Variants in ARMC9 observed in about 807,000 individuals in gnomAD.
The protein encoded by ARMC9 is lisH domain-containing protein ARMC9.
Under a neutral mutation model 107.0 loss-of-function variants are expected in ARMC9, and 94 were observed. The ratio of observed to expected loss-of-function variants is 0.88; its 90% CI spans 0.74 to 1.04. The LOEUF (loss-of-function observed/expected upper bound fraction) is 1.04. Ranked by LOEUF, ARMC9 falls within the 50% of genes least tolerant of loss-of-function variation. ARMC9 has a pLI of 0.00. For missense variants in ARMC9, 942 were observed against 1,030.1 expected (o/e 0.91, Z 1.17); for synonymous variants, 380 against 396.9 (o/e 0.96, Z 0.51).
At position 231,376,464 on chromosome 2, in the gene ARMC9, GAGATGA is replaced by G; in HGVS notation, c.*4931_*4936del. On this transcript the variant is annotated 3_prime_UTR_variant, in exon 25 of 25. Coordinates refer to ENST00000611582, the MANE Select transcript of ARMC9 (RefSeq NM_001352754.2). ...GTCGTCTCTTATGGTCGAGGCTGCAGAGATGAAATAAACTCCAGTCTCCCATAGCGC... is the reference window on the plus strand; with the variant it reads ...GTCGTCTCTTATGGTCGAGGCTGCAGAATAAACTCCAGTCTCCCATAGCGC... Among the ~76,000 whole-genome samples the G allele has an allele frequency of 6.6e-6, 1 of 152,168 alleles. No individual in the cohort carries two copies. Among genetic ancestry groups the G allele is most frequent in the African/African-American group, 2.4e-5 (1 of 41,432 alleles).
At chr2:231,285,522 G>A (rs901592192) in intron 17 of ARMC9, among the ~76,000 whole-genome samples, 5 of 150,192 alleles carry the variant, frequency 3.3e-5, no homozygotes, top group African/African-American at 4.9e-5. Context: ...GGTGGGCGCC[G>A]ATAATCCCAG....
intron 23 of ARMC9, among the ~76,000 whole-genome samples, chr2:231,368,452 A>G (rs115698352): frequency 0.013 from 2,042 of 152,054 alleles, 46 homozygotes; most frequent in African/African-American, 0.047. Flanking sequence ...ATAATACCCA[A>G]CTCTTGTAAA....
intron 17 of ARMC9, chr2:231,288,699 G>A (rs1188200283): frequency 2.1e-6 from 1 of 471,064 alleles, no homozygotes; most frequent in African/African-American, 2.0e-5. Flanking sequence ...CCATTTTGCT[G>A]CTGACAACAT....
intron 19 of ARMC9, among the ~76,000 whole-genome samples, chr2:231,328,632 G>A (rs2043493468): frequency 1.3e-5 from 2 of 151,756 alleles, no homozygotes; most frequent in East Asian, 3.9e-4. Flanking sequence ...AAAACCCACT[G>A]GACATATTTG....
rs889332741 is a variant in ARMC9, at chr2:231,302,968, C to T, written c.1773+6715C>T. Among the ~76,000 whole-genome samples the T allele has an allele frequency of 9.9e-5, 15 of 152,180 alleles. No individual in the cohort carries two copies. The South Asian group carries it at 1.9e-3, about 19-fold the overall frequency. Reference sequence around the variant, plus strand: ...GCAGTGAGCCAAGATCACACCACTGCACTCCAGCCTGGGTGACGGAGCGAG... The same window carrying T: ...GCAGTGAGCCAAGATCACACCACTGTACTCCAGCCTGGGTGACGGAGCGAG... On this transcript the variant is annotated intron_variant, in intron 19 of 24. Coordinates refer to ENST00000611582, the MANE Select transcript of ARMC9 (RefSeq NM_001352754.2).
intron 19 of ARMC9, among the ~76,000 whole-genome samples, chr2:231,302,319 T>C (rs1194031430): frequency 6.6e-6 from 1 of 151,504 alleles, no homozygotes; most frequent in Non-Finnish European, 1.5e-5. Flanking sequence ...TATTAAAATA[T>C]TAAATAACTT....
intron 5 of ARMC9, among the ~76,000 whole-genome samples, chr2:231,218,898 CACGCCA>C (rs1360900247): frequency 6.6e-6 from 1 of 151,994 alleles, no homozygotes; most frequent in East Asian, 1.9e-4. Flanking sequence ...ATTATAGGCA[CACGCCA>C]CCATGTCCGG....
intron 11 of ARMC9, among the ~76,000 whole-genome samples, chr2:231,259,463 C>G (rs2038136949): frequency 6.6e-6 from 1 of 152,180 alleles, no homozygotes; most frequent in Admixed American, 6.5e-5. Context: ...GCCATGCAGC[C>G]ACGCTGGACA....
chr2:231,268,881 G>GA (rs1334980268), intron 12 of ARMC9, among the ~76,000 whole-genome samples: 4 of 151,674 alleles, frequency 2.6e-5, no homozygotes, highest in Non-Finnish European at 5.9e-5. Context: ...GAGCAACATA[G>GA]ACCCCATTCT....
At chr2:231,244,299 A>G (rs1397211763) in intron 9 of ARMC9, among the ~76,000 whole-genome samples, 3 of 152,180 alleles carry the variant, frequency 2.0e-5, no homozygotes, top group Non-Finnish European at 2.9e-5. Flanking sequence ...ACAAAAGAGT[A>G]AAGGAAAAAG....
chr2:231,375,004 C>G lies in ARMC9; in HGVS notation c.*3469C>G, dbSNP rs2046153626. Among the ~76,000 whole-genome samples the G allele has an allele frequency of 6.6e-6, 1 of 152,224 alleles. No individual in the cohort carries two copies. The highest frequency in any genetic ancestry group is 2.1e-4 in the South Asian group (1 of 4,830). On this transcript the variant is annotated 3_prime_UTR_variant, in exon 25 of 25. Coordinates refer to ENST00000611582, the MANE Select transcript of ARMC9 (RefSeq NM_001352754.2). The surrounding 1 kb of genome is among the most constrained non-coding windows in gnomAD (Gnocchi z 4.3). ...TTGCCTAGCTTTATCTCTCCAGATA[C>G]TATTTGGGGTGTGCTGTTCTAAGAA...
At chr2:231,347,558 T>A (rs2044864592) in intron 21 of ARMC9, among the ~76,000 whole-genome samples, 1 of 152,216 alleles carries the variant, frequency 6.6e-6, no homozygotes, top group South Asian at 2.1e-4. Context: ...CTGGGGGTCT[T>A]AGACATCATC....
At chr2:231,371,369 G>A (rs913062439) in intron 24 of ARMC9, 144 bp from the exon 25 acceptor site, 9 of 1,015,582 alleles carry the variant, frequency 8.9e-6, no homozygotes, top group Admixed American at 3.0e-5. Context: ...CCCGCCAGTC[G>A]AGCCCAGGCC....
chr2:231,276,960 T>C (rs1574914913), intron 15 of ARMC9, among the ~76,000 whole-genome samples, 185 bp downstream of exon 15: 1 of 152,348 alleles, frequency 6.6e-6, no homozygotes, highest in East Asian at 1.9e-4. Context: ...AAATCCATTC[T>C]TGCCCTGGAA....
chr2:231,316,225 C>T (rs2042670678), intron 19 of ARMC9, among the ~76,000 whole-genome samples: 1 of 150,586 alleles, frequency 6.6e-6, no homozygotes, highest in African/African-American at 2.4e-5. Context: ...ATTTCCAGTG[C>T]TCTGTAATGC....
intron 8 of ARMC9, 121 bp downstream of exon 8, chr2:231,235,502 C>A: frequency 8.3e-7 from 1 of 1,209,106 alleles, no homozygotes; most frequent in East Asian, 2.5e-5. Context: ...GTGGCGCCTG[C>A]TGCTCTATTT....
chr2:231,333,187 A>G (rs893070994), intron 20 of ARMC9, among the ~76,000 whole-genome samples: 1 of 152,024 alleles, frequency 6.6e-6, no homozygotes, highest in Non-Finnish European at 1.5e-5. Context: ...TGGTGGTGGG[A>G]CTTCAGGTTG....
intron 15 of ARMC9, among the ~76,000 whole-genome samples, chr2:231,277,729 ATTTTTGTAT>A: frequency 6.6e-6 from 1 of 151,778 alleles, no homozygotes; most frequent in East Asian, 1.9e-4. Context: ...CACCTGGCGA[ATTTTTGTAT>A]TTTTAGTAGG....
At chr2:231,351,658 T>G (rs1217961469) in intron 21 of ARMC9, among the ~76,000 whole-genome samples, 1 of 152,116 alleles carries the variant, frequency 6.6e-6, no homozygotes, top group Non-Finnish European at 1.5e-5. Flanking sequence ...TGATTTTTGT[T>G]TGTTTTCTTT....
Sources: allele counts gnomAD v4.1 joint callset (sites outside exome capture counted in the v4.1 genomes callset), GRCh38; gene constraint gnomAD v4.1.1; non-coding constraint Gnocchi (gnomAD v3.1); transcripts MANE v1.5; gene names NCBI Gene and HGNC (gene_info 2026-07-23, HGNC 2026-07-21).